The following SOX6 variants were observed in gnomAD, a reference collection of about 807,000 sequenced individuals.
SOX6 encodes SRY-box transcription factor 6.
In SOX6, 11 loss-of-function variants were observed where a neutral mutation model predicts 97.8. The ratio of observed to expected loss-of-function variants is 0.11; its 90% confidence interval spans 0.07 to 0.19. The LOEUF is 0.19. SOX6 is among the 10% of genes least tolerant of loss of function. The pLI, the probability that SOX6 is intolerant of heterozygous loss-of-function variation, is 1.00. For synonymous variants in SOX6, 360 were observed against 371.4 expected, an observed-to-expected ratio of 0.97 and a Z score of 0.35; for missense variants, 810 against 1,039.5, an observed-to-expected ratio of 0.78 and a Z score of 3.04.
At chr11:16,717,808 CTAGT>C (rs909950974) in intron 2 of SOX6, among the ~76,000 whole-genome samples, 1 of 151,650 alleles carries the variant, frequency 6.6e-6, no homozygotes, top group Non-Finnish European at 1.5e-5. Flanking sequence ...AAGGATATAA[CTAGT>C]TATTCTCCTC....
chr11:16,548,986 G>A (rs1247318090), intron 4 of SOX6, among the ~76,000 whole-genome samples: 1 of 151,912 alleles, frequency 6.6e-6, no homozygotes, highest in Non-Finnish European at 1.5e-5. Flanking sequence ...TTTATATCTG[G>A]AATATATAAA....
intron 3 of SOX6, among the ~76,000 whole-genome samples, chr11:16,306,619 T>TTTTTTC (rs1321277261): frequency 7.6e-6 from 1 of 131,344 alleles, no homozygotes; most frequent in Non-Finnish European, 1.7e-5. Context: ...TTCTTTTTTT[T>TTTTTTC]TTTTTTTCTT....
intron 3 of SOX6, among the ~76,000 whole-genome samples, chr11:16,657,388 T>C (rs1847731112): frequency 6.6e-6 from 1 of 152,240 alleles, no homozygotes; most frequent in Non-Finnish European, 1.5e-5. Flanking sequence ...TTTCAGCAAT[T>C]ATGAATAAAG....
chr11:16,679,440 C>G (rs2134028771), intron 3 of SOX6, among the ~76,000 whole-genome samples: 1 of 152,268 alleles, frequency 6.6e-6, no homozygotes, highest in Middle Eastern at 3.4e-3. Context: ...AAATGACATC[C>G]ACACCAAAAC....
At chr11:16,217,846 C>T (rs1421360901) in intron 4 of SOX6, among the ~76,000 whole-genome samples, 1 of 152,096 alleles carries the variant, frequency 6.6e-6, no homozygotes, top group African/African-American at 2.4e-5. Context: ...ATTGCATTCC[C>T]ATGATTGACA....
intron 4 of SOX6, among the ~76,000 whole-genome samples, chr11:16,234,261 G>A (rs1161533315): frequency 6.6e-6 from 1 of 151,998 alleles, no homozygotes; most frequent in Non-Finnish European, 1.5e-5. Context: ...AATTTTAAGA[G>A]GGAAAACTAA....
At chr11:16,232,605 G>A (rs958838396) in intron 4 of SOX6, among the ~76,000 whole-genome samples, 1 of 151,846 alleles carries the variant, frequency 6.6e-6, no homozygotes, top group Admixed American at 6.6e-5. Context: ...GGAAAGGGGG[G>A]GAGAAAATAT....
chr11:16,335,712 A>G (rs1464425110), intron 2 of SOX6, among the ~76,000 whole-genome samples: 1 of 152,188 alleles, frequency 6.6e-6, no homozygotes, highest in East Asian at 1.9e-4. Context: ...TCATGTAATG[A>G]CAATAGCTCC....
intron 3 of SOX6, among the ~76,000 whole-genome samples, chr11:16,258,188 A>G (rs1466413460): frequency 6.6e-6 from 1 of 152,038 alleles, no homozygotes; most frequent in Non-Finnish European, 1.5e-5. Context: ...CTCTAATCAT[A>G]CAATCTAGTA....
At chr11:16,257,504 G>A (rs1356511260) in intron 3 of SOX6, among the ~76,000 whole-genome samples, 1 of 151,872 alleles carries the variant, frequency 6.6e-6, no homozygotes, top group Admixed American at 6.6e-5. Context: ...GGACATTTAT[G>A]TGCAAAAGGA....
chr11:16,192,682 C>T (rs769913811), intron 4 of SOX6, among the ~76,000 whole-genome samples: 4 of 151,474 alleles, frequency 2.6e-5, no homozygotes, highest in Non-Finnish European at 5.9e-5. Flanking sequence ...AGATTCAAAA[C>T]AGATGAGAAT....
intron 13 of SOX6, among the ~76,000 whole-genome samples, chr11:15,991,720 C>T (rs751517242): frequency 1.2e-4 from 19 of 152,136 alleles, no homozygotes; most frequent in Non-Finnish European, 2.1e-4. Flanking sequence ...TGTATTTCAT[C>T]GTAAATGGGA....
intron 6 of SOX6, among the ~76,000 whole-genome samples, chr11:16,173,828 AT>A: frequency 6.6e-6 from 1 of 150,766 alleles, no homozygotes; most frequent in South Asian, 2.1e-4. Flanking sequence ...AAAAGTTGAA[AT>A]TTTTATATTA....
intron 4 of SOX6, among the ~76,000 whole-genome samples, chr11:16,493,798 A>C (rs1304172756): frequency 6.6e-6 from 1 of 152,216 alleles, no homozygotes; most frequent in Non-Finnish European, 1.5e-5. Context: ...AGCGTTCTCA[A>C]ACATTATTGT....
chr11:16,371,606 T>G (rs543428519), intron 1 of SOX6, among the ~76,000 whole-genome samples: 1 of 152,248 alleles, frequency 6.6e-6, no homozygotes, highest in East Asian at 1.9e-4. Flanking sequence ...CAGTAAACAC[T>G]GTTGAATAAA....
intron 3 of SOX6, among the ~76,000 whole-genome samples, chr11:16,274,227 G>C (rs1854333093): frequency 6.6e-6 from 1 of 151,952 alleles, no homozygotes; most frequent in African/African-American, 2.4e-5. Context: ...AATAAACATT[G>C]ATTTGGGATT....
At chr11:16,303,326 T>C (rs1855323257) in intron 3 of SOX6, among the ~76,000 whole-genome samples, 1 of 152,192 alleles carries the variant, frequency 6.6e-6, no homozygotes, top group Non-Finnish European at 1.5e-5. Flanking sequence ...ACTAAAGATA[T>C]GGTATGTGTC....
chr11:16,326,860 G>C (rs1436212622), intron 2 of SOX6, among the ~76,000 whole-genome samples: 2 of 152,170 alleles, frequency 1.3e-5, no homozygotes, highest in Admixed American at 1.3e-4. Flanking sequence ...AAGGCCAAAG[G>C]CTTCTTTACT....
At chr11:16,562,588 G>A (rs951138833) in intron 4 of SOX6, among the ~76,000 whole-genome samples, 1 of 151,846 alleles carries the variant, frequency 6.6e-6, no homozygotes, top group Non-Finnish European at 1.5e-5. Flanking sequence ...ACTCTCTCAC[G>A]GCTTTAATGA....
Sources: gnomAD v4.1 joint callset for allele counts (sites outside exome capture counted in the v4.1 genomes callset) on GRCh38, gnomAD v4.1.1 for gene constraint, MANE v1.5 for transcripts, NCBI Gene and HGNC (gene_info 2026-07-23, HGNC 2026-07-21) for gene names.